ARPP21: variants seen among roughly 807,000 people sequenced by gnomAD.
ARPP21 encodes cAMP-regulated phosphoprotein 21.
Under a neutral mutation model 113.2 loss-of-function variants are expected in ARPP21, and 69 were observed. The observed-to-expected ratio is 0.61, with a 90% CI of 0.50 to 0.74. The LOEUF is 0.74. Ranked by LOEUF, ARPP21 falls within the 30% of genes least tolerant of loss-of-function variation. The pLI is 0.00. For missense variants in ARPP21, 1,070 were observed against 1,037.4 expected (o/e 1.03, Z -0.43); for synonymous variants, 368 against 375.5 (o/e 0.98, Z 0.23).
At chr3:35,718,701 A>G (rs2092732235) in intron 13 of ARPP21, among the ~76,000 whole-genome samples, 1 of 152,156 alleles carries the variant, frequency 6.6e-6, no homozygotes, top group Non-Finnish European at 1.5e-5. Context: ...TAGCCCGTGC[A>G]AAAAAGATGC....
At chr3:35,730,548 A>G (rs183464631) in intron 15 of ARPP21, among the ~76,000 whole-genome samples, 6 of 152,336 alleles carry the variant, frequency 3.9e-5, no homozygotes, top group Non-Finnish European at 5.9e-5. Flanking sequence ...AAAGCTTGAC[A>G]TTGACTAGTC....
chr3:35,734,447 A>G (rs188095804), intron 15 of ARPP21, among the ~76,000 whole-genome samples: 317 of 152,328 alleles, frequency 2.1e-3, no homozygotes, highest in Non-Finnish European at 2.7e-3. Flanking sequence ...TGCCTGGAAA[A>G]TGAAGAACAT....
intron 1 of ARPP21, among the ~76,000 whole-genome samples, chr3:35,647,677 G>A (rs1006119522): frequency 3.9e-5 from 6 of 152,174 alleles, no homozygotes; most frequent in Admixed American, 1.3e-4. Flanking sequence ...GAATTGGTGC[G>A]TGGTACTGGT....
At chr3:35,721,324 C>T (rs1480848305) in intron 13 of ARPP21, among the ~76,000 whole-genome samples, 9 of 152,138 alleles carry the variant, frequency 5.9e-5, no homozygotes, top group Admixed American at 4.6e-4. Flanking sequence ...CATTTTATGA[C>T]ATGTCTTTCT....
At position 35,690,929 on chromosome 3, in the gene ARPP21, G is replaced by A; in HGVS notation, c.610G>A (p.Ala204Thr). The change falls in exon 9 of 21, where the codon GCT becomes ACT. Residue 204 changes from alanine to threonine, a missense_variant. Ala to Thr is a moderately conservative substitution (Grantham distance 58). Coordinates refer to ENST00000684406, the MANE Select transcript of ARPP21 (RefSeq NM_001385562.1). ...YQRMLVHRVAAYFGLDHNVDQ... is the reference protein window; with the variant it reads ...YQRMLVHRVATYFGLDHNVDQ... ...GAGGATGCTTGTCCATCGAGTGGCA[G>A]CTTATTTTGGATTGGATCACAATGT... 6.2e-7 allele frequency: 1 copy of A among 1,610,780 alleles called. No individual in the cohort carries two copies. Among genetic ancestry groups the A allele is most frequent in the Non-Finnish European group, 8.5e-7 (1 of 1,178,008 alleles).
Position 35,729,337 on chromosome 3 carries a change from A to G in ARPP21, c.1260A>G (p.Gly420=). 1 of 1,614,158 alleles carries G rather than the reference A, an allele frequency of 6.2e-7. No homozygotes were observed. Among genetic ancestry groups the G allele is most frequent in the African/African-American group, 1.3e-5 (1 of 75,036 alleles). Residue 420 remains glycine (G), a synonymous_variant, in exon 15 of 21, where the codon GGA becomes GGG. Transcript: ENST00000684406. ...CTTCCAGCAGTGCAGGCTCCTCAGG[A>G]TCGCTGTCCCGCACCCATCCACCTC... ...SESSSSAGSS[G]SLSRTHPPLQ...
At chr3:35,776,288 G>A (rs1417711492) in intron 19 of ARPP21, among the ~76,000 whole-genome samples, 1 of 152,056 alleles carries the variant, frequency 6.6e-6, no homozygotes, top group Admixed American at 6.6e-5. Context: ...TTTACAAAAT[G>A]GTTACATTAG....
chr3:35,730,091 T>C (rs987781928), intron 15 of ARPP21, among the ~76,000 whole-genome samples: 2 of 152,220 alleles, frequency 1.3e-5, no homozygotes, highest in African/African-American at 4.8e-5. Flanking sequence ...AAAATTATTA[T>C]GTATTTTAGA....
chr3:35,680,267 G>A (rs748274068), intron 2 of ARPP21, among the ~76,000 whole-genome samples: 3 of 151,844 alleles, frequency 2.0e-5, no homozygotes, highest in African/African-American at 7.2e-5. Flanking sequence ...TGTTAACCAC[G>A]CATACTGAGT....
At chr3:35,741,099 C>T (rs1455317502) in intron 18 of ARPP21, among the ~76,000 whole-genome samples, 1 of 152,080 alleles carries the variant, frequency 6.6e-6, no homozygotes, top group Non-Finnish European at 1.5e-5. Flanking sequence ...AAGACCCTAT[C>T]TCAGAAAATG....
chr3:35,685,524 G>A (rs1329148482), intron 5 of ARPP21: 12 of 984,980 alleles, frequency 1.2e-5, no homozygotes, highest in East Asian at 1.1e-4. Flanking sequence ...CAAAATGTGC[G>A]GACTGAATCC....
chr3:35,721,729 C>A lies in ARPP21; in HGVS notation c.1120C>A (p.Leu374Ile). Residue 374 changes from leucine to isoleucine, a missense_variant, in exon 14 of 21, where the codon CTA becomes ATA. Transcript: ENST00000684406. Reference protein sequence around the residue: ...STDSDSSNRNLKPAMTKTASF... With the variant: ...STDSDSSNRNIKPAMTKTASF... ...AGACTCCGACAGTTCCAACCGCAATCTAAAGCCCGCCATGACCAAGACGGC... is the reference window on the plus strand; with the variant it reads ...AGACTCCGACAGTTCCAACCGCAATATAAAGCCCGCCATGACCAAGACGGC... 1 of 1,613,900 alleles carries A rather than the reference C, an allele frequency of 6.2e-7. No individual in the cohort carries two copies.
At chr3:35,688,918 G>T (rs182611403) in intron 6 of ARPP21, among the ~76,000 whole-genome samples, 19 of 148,944 alleles carry the variant, frequency 1.3e-4, no homozygotes, top group Admixed American at 1.1e-3. Flanking sequence ...AAGAGAAAAA[G>T]GGTTCCATGG....
At chr3:35,753,140 C>T (rs2095459586) in intron 19 of ARPP21, among the ~76,000 whole-genome samples, 1 of 150,648 alleles carries the variant, frequency 6.6e-6, no homozygotes, top group Non-Finnish European at 1.5e-5. Flanking sequence ...TTATTTTTCC[C>T]TTGTGGAAAA....
intron 19 of ARPP21, among the ~76,000 whole-genome samples, chr3:35,782,572 G>A (rs2096548285): frequency 6.6e-6 from 1 of 151,988 alleles, no homozygotes; most frequent in African/African-American, 2.4e-5. Flanking sequence ...AGTAGTAGTA[G>A]GTGACATGGA....
chr3:35,739,155 T>C (rs1215993760), intron 17 of ARPP21, among the ~76,000 whole-genome samples, 162 bp from the exon 18 acceptor site: 1 of 152,266 alleles, frequency 6.6e-6, no homozygotes, highest in Non-Finnish European at 1.5e-5. Flanking sequence ...TTGTGTTCTC[T>C]TGTTATGTTC....
intron 19 of ARPP21, among the ~76,000 whole-genome samples, chr3:35,747,405 GAAATC>G (rs2095135316): frequency 1.4e-5 from 2 of 147,954 alleles, no homozygotes; most frequent in South Asian, 4.3e-4. Context: ...AAAGTTTAGA[GAAATC>G]AAATGGTGGA....
chr3:35,702,076 T>A (rs1576030483), intron 9 of ARPP21, among the ~76,000 whole-genome samples: 2 of 151,714 alleles, frequency 1.3e-5, no homozygotes, highest in African/African-American at 2.4e-5. Context: ...CAATAATAAT[T>A]ATTTTCATAA....
At chr3:35,754,832 T>C (rs1168216470) in intron 19 of ARPP21, among the ~76,000 whole-genome samples, 1 of 152,006 alleles carries the variant, frequency 6.6e-6, no homozygotes, top group Admixed American at 6.6e-5. Flanking sequence ...TAAGAACTAC[T>C]GGTATTATTA....
Sources: gnomAD v4.1 joint callset for allele counts (sites outside exome capture counted in the v4.1 genomes callset) on GRCh38, gnomAD v4.1.1 for gene constraint, MANE v1.5 for transcripts, NCBI Gene and HGNC (gene_info 2026-07-23, HGNC 2026-07-21) for gene names.